The following TANC2 variants were observed in gnomAD, a reference collection of about 807,000 sequenced individuals.
TANC2 encodes tetratricopeptide repeat, ankyrin repeat and coiled-coil containing 2.
In TANC2, 26 loss-of-function variants were observed where a neutral mutation model predicts 210.5. The ratio of observed to expected loss-of-function variants is 0.12; its 90% confidence interval spans 0.09 to 0.17. TANC2 has a LOEUF of 0.17. TANC2 is among the 10% of genes least tolerant of loss of function. The pLI is 1.00. For synonymous variants in TANC2, 931 were observed against 967.1 expected, an observed-to-expected ratio of 0.96 and a Z score of 0.69; for missense variants, 2,129 against 2,608.9, an observed-to-expected ratio of 0.82 and a Z score of 4.01.
chr17:63,125,725 C>A (rs1319246970), intron 4 of TANC2, among the ~76,000 whole-genome samples: 1 of 152,074 alleles, frequency 6.6e-6, no homozygotes, highest in Admixed American at 6.5e-5. Flanking sequence ...TTTAAAAGAA[C>A]CCTTTACCAA....
chr17:63,359,973 T>G (rs544031276), intron 14 of TANC2, among the ~76,000 whole-genome samples: 10 of 152,178 alleles, frequency 6.6e-5, no homozygotes, highest in Non-Finnish European at 1.5e-4. Context: ...TATTAGTAAG[T>G]GAATTACACG....
chr17:62,975,921 C>T (rs2031976945), intron 1 of TANC2, among the ~76,000 whole-genome samples: 1 of 152,064 alleles, frequency 6.6e-6, no homozygotes, highest in Non-Finnish European at 1.5e-5. Flanking sequence ...CCAGCTCCTC[C>T]CAATTTTTTA....
intron 9 of TANC2, among the ~76,000 whole-genome samples, chr17:63,276,207 A>G (rs1014054542): frequency 2.0e-5 from 3 of 152,146 alleles, no homozygotes; most frequent in South Asian, 4.1e-4. Context: ...ACGAAAGGCT[A>G]TTTCATCAAT....
rs140515322 is a variant in TANC2, at chr17:63,377,753, T to C, written c.2583-1965T>C. ...TCTCTGCAGTACCAACTTACTGTATTAGTCCATTCTCACACTGCTGTAAAG... is the reference window on the plus strand; with the variant it reads ...TCTCTGCAGTACCAACTTACTGTATCAGTCCATTCTCACACTGCTGTAAAG... On this transcript the variant is annotated intron_variant, in intron 14 of 27. Coordinates refer to ENST00000689528, the Ensembl canonical transcript of TANC2. Among the ~76,000 whole-genome samples the C allele has an allele frequency of 2.8e-3, 429 of 152,300 alleles. 2 individuals carry two copies. Among genetic ancestry groups the C allele is most frequent in the South Asian group, 4.6e-3 (22 of 4,826 alleles).
chr17:63,264,938 G>C (rs1246027003), intron 8 of TANC2, among the ~76,000 whole-genome samples: 1 of 152,072 alleles, frequency 6.6e-6, no homozygotes, highest in Admixed American at 6.6e-5. Flanking sequence ...TAATCTGGGC[G>C]ACAGAGTGAG....
At chr17:63,158,547 T>C (rs1328488137) in intron 5 of TANC2, among the ~76,000 whole-genome samples, 1 of 152,242 alleles carries the variant, frequency 6.6e-6, no homozygotes. Context: ...ACTGCCATCC[T>C]TTACCTCTAA....
chr17:63,380,756 T>G (rs1408130151), intron 15 of TANC2, among the ~76,000 whole-genome samples: 1 of 152,206 alleles, frequency 6.6e-6, no homozygotes, highest in African/African-American at 2.4e-5. Context: ...GCATTAAGGA[T>G]AACTTCAAGA....
intron 9 of TANC2, among the ~76,000 whole-genome samples, chr17:63,297,267 T>C (rs1311283651): frequency 1.3e-5 from 2 of 152,102 alleles, no homozygotes; most frequent in Admixed American, 1.3e-4. Context: ...CAAAATGATA[T>C]TGAAAAAGAA....
intron 2 of TANC2, among the ~76,000 whole-genome samples, chr17:63,065,576 T>C (rs766969348): frequency 2.6e-5 from 4 of 152,208 alleles, no homozygotes; most frequent in Non-Finnish European, 4.4e-5. Flanking sequence ...GCAACATTTA[T>C]CTTTTGTCTT....
At chr17:63,228,259 G>A (rs1271066768) in intron 7 of TANC2, among the ~76,000 whole-genome samples, 1 of 152,084 alleles carries the variant, frequency 6.6e-6, no homozygotes, top group Non-Finnish European at 1.5e-5. Flanking sequence ...GTCTTCATTT[G>A]TGAGATCTCT....
intron 7 of TANC2, among the ~76,000 whole-genome samples, chr17:63,220,046 A>G (rs957795014): frequency 2.6e-5 from 4 of 152,200 alleles, no homozygotes; most frequent in South Asian, 4.2e-4. Context: ...TGTAGTCCCA[A>G]CACTGTGGGA....
chr17:63,056,425 C>G (rs1273484912), intron 2 of TANC2, among the ~76,000 whole-genome samples: 2 of 151,974 alleles, frequency 1.3e-5, no homozygotes, highest in African/African-American at 4.8e-5. Flanking sequence ...CACCTGTAAT[C>G]CCAGCACTTT....
chr17:63,161,463 T>A (rs1412387202), intron 5 of TANC2, among the ~76,000 whole-genome samples: 2 of 152,082 alleles, frequency 1.3e-5, no homozygotes, highest in Non-Finnish European at 2.9e-5. Flanking sequence ...ATCTAATGCT[T>A]GTTTCCAGTT....
intron 4 of TANC2, among the ~76,000 whole-genome samples, chr17:63,136,514 A>G (rs2039094703): frequency 6.6e-6 from 1 of 152,224 alleles, no homozygotes; most frequent in African/African-American, 2.4e-5. Flanking sequence ...AATTCATTCA[A>G]CAAGTAATAG....
At chr17:62,989,354 A>C (rs1336426647) in intron 1 of TANC2, among the ~76,000 whole-genome samples, 4 of 152,240 alleles carry the variant, frequency 2.6e-5, no homozygotes, top group African/African-American at 9.6e-5. Flanking sequence ...GCAGTAGAGA[A>C]GTGTCGCTGA....
intron 12 of TANC2, among the ~76,000 whole-genome samples, chr17:63,343,843 C>A (rs934243835): frequency 2.0e-5 from 3 of 152,136 alleles, no homozygotes; most frequent in Non-Finnish European, 4.4e-5. Flanking sequence ...CTGCAGTGAA[C>A]CAAGATCATG....
At chr17:63,360,600 T>C (rs938531920) in intron 14 of TANC2, among the ~76,000 whole-genome samples, 3 of 152,166 alleles carry the variant, frequency 2.0e-5, no homozygotes, top group African/African-American at 7.2e-5. Flanking sequence ...GGGTAAAATA[T>C]CCATCACCTC....
intron 2 of TANC2, among the ~76,000 whole-genome samples, chr17:63,031,512 C>G (rs1430532196): frequency 6.6e-6 from 1 of 152,090 alleles, no homozygotes; most frequent in East Asian, 1.9e-4. Flanking sequence ...CTTCTTTACT[C>G]AGAATATTGT....
chr17:63,152,570 A>G (rs1350448226), intron 5 of TANC2: 1 of 152,174 alleles, frequency 6.6e-6, no homozygotes, highest in Non-Finnish European at 1.5e-5. Flanking sequence ...CAAAAGGAAC[A>G]AAGTAGTTCT....
Sources: gnomAD v4.1 joint callset for allele counts (sites outside exome capture counted in the v4.1 genomes callset) on GRCh38, gnomAD v4.1.1 for gene constraint, MANE v1.5 for transcripts, NCBI Gene and HGNC (gene_info 2026-07-23, HGNC 2026-07-21) for gene names.